ZDHHC14: variants seen among roughly 807,000 people sequenced by gnomAD.
ZDHHC14 encodes palmitoyltransferase ZDHHC14.
In ZDHHC14, 16 loss-of-function variants were observed where a neutral mutation model predicts 47.7. That is an observed-to-expected ratio of 0.34 (90% CI 0.23 to 0.51). The LOEUF (loss-of-function observed/expected upper bound fraction) is 0.51. Ranked by LOEUF, ZDHHC14 falls within the 20% of genes least tolerant of loss-of-function variation. The probability of loss-of-function intolerance (pLI) is 0.97; values close to 1 mark genes in which losing one functional copy is unlikely to be tolerated. For missense variants in ZDHHC14, 515 were observed against 662.5 expected, an observed-to-expected ratio of 0.78 and a Z score of 2.44; for synonymous variants, 293 against 278.9, an observed-to-expected ratio of 1.05 and a Z score of -0.50.
At chr6:157,548,709 G>A (rs1020831112) in intron 2 of ZDHHC14, among the ~76,000 whole-genome samples, 6 of 150,914 alleles carry the variant, frequency 4.0e-5, no homozygotes, top group Non-Finnish European at 8.8e-5. Flanking sequence ...GCCTCCCAAA[G>A]TGCTGGGATT....
rs1432622648 is a variant in ZDHHC14, at chr6:157,586,094, C to T, written c.407-6894C>T. ...CAGCAGGAAGATCTGGAAACAAATCCTCCTGACATCATCGGTACTGGGTCT... is the reference window on the plus strand; with the variant it reads ...CAGCAGGAAGATCTGGAAACAAATCTTCCTGACATCATCGGTACTGGGTCT... On this transcript the variant is annotated intron_variant, in intron 2 of 8. Transcript: ENST00000359775. This position sits in a 1 kb window ranked among gnomAD's most constrained non-coding sequence, Gnocchi z 4.6. Among the ~76,000 whole-genome samples, 4 of 152,168 alleles carry T rather than the reference C, an allele frequency of 2.6e-5. No homozygotes were observed. The highest frequency in any genetic ancestry group is 5.9e-5 in the Non-Finnish European group (4 of 68,018).
intron 2 of ZDHHC14, among the ~76,000 whole-genome samples, chr6:157,565,798 C>A (rs1309102087): frequency 1.3e-5 from 2 of 148,366 alleles, no homozygotes; most frequent in Non-Finnish European, 3.0e-5. Context: ...AGCAAGACTC[C>A]GTCTCCAAAA....
Position 157,628,370 on chromosome 6 carries a change from CCTGGGTAGGCAA to C in ZDHHC14, c.591_602del (p.Trp197_Asn200del). 1 of 1,611,396 alleles carries C rather than the reference CCTGGGTAGGCAA, an allele frequency of 6.2e-7. No homozygotes were observed. The highest frequency in any genetic ancestry group is 8.5e-7 in the Non-Finnish European group (1 of 1,179,478). Reference sequence around the variant, plus strand: ...TCAGAACGGTTTGATCACCACTGTCCCTGGGTAGGCAACTGTGTGGGGAAAAGAAACTACAGA... The same window carrying C: ...TCAGAACGGTTTGATCACCACTGTCCCTGTGTGGGGAAAAGAAACTACAGA... On this transcript the variant is annotated inframe_deletion, in exon 4 of 9. Coordinates refer to ENST00000359775, the MANE Select transcript of ZDHHC14 (RefSeq NM_024630.3).
intron 1 of ZDHHC14, among the ~76,000 whole-genome samples, chr6:157,511,998 G>C (rs1053438670): frequency 2.0e-4 from 31 of 152,168 alleles, no homozygotes; most frequent in African/African-American, 6.8e-4. Context: ...CAACATGCTC[G>C]AAATGCGAAG....
intron 3 of ZDHHC14, among the ~76,000 whole-genome samples, chr6:157,620,496 C>G (rs1442536500): frequency 6.6e-6 from 1 of 152,244 alleles, no homozygotes; most frequent in African/African-American, 2.4e-5. Flanking sequence ...TAATGTTTGC[C>G]AAGCAGCTTT....
intron 1 of ZDHHC14, among the ~76,000 whole-genome samples, chr6:157,541,505 A>G (rs1283548282): frequency 6.6e-6 from 1 of 152,122 alleles, no homozygotes; most frequent in Non-Finnish European, 1.5e-5. Context: ...CCAGCTCCCC[A>G]TCTCTGTTTT....
At chr6:157,466,814 C>T (rs555093495) in intron 1 of ZDHHC14, among the ~76,000 whole-genome samples, 8 of 151,608 alleles carry the variant, frequency 5.3e-5, no homozygotes, top group Non-Finnish European at 8.8e-5. Flanking sequence ...ACAGTCTGGG[C>T]GACAGAGTGA....
intron 2 of ZDHHC14, among the ~76,000 whole-genome samples, chr6:157,552,308 G>A (rs1782266300): frequency 6.6e-6 from 1 of 152,144 alleles, no homozygotes; most frequent in South Asian, 2.1e-4. Context: ...AAGGAAGCCA[G>A]AGATGAAACC....
intron 1 of ZDHHC14, among the ~76,000 whole-genome samples, chr6:157,512,153 T>G (rs923800791): frequency 1.3e-5 from 2 of 152,062 alleles, no homozygotes; most frequent in Admixed American, 6.6e-5. Context: ...CATGTTCGAG[T>G]GAAGGAAACT....
chr6:157,429,893 T>G (rs573669415), intron 1 of ZDHHC14, among the ~76,000 whole-genome samples: 1 of 152,250 alleles, frequency 6.6e-6, no homozygotes, highest in Admixed American at 6.5e-5. Flanking sequence ...GAGTTCAGGA[T>G]GATAGAGAAT....
At chr6:157,581,621 T>G (rs1466065068) in intron 2 of ZDHHC14, among the ~76,000 whole-genome samples, 1 of 152,158 alleles carries the variant, frequency 6.6e-6, no homozygotes, top group Non-Finnish European at 1.5e-5. Flanking sequence ...GCATATATAT[T>G]TAGGATAGTT....
intron 1 of ZDHHC14, among the ~76,000 whole-genome samples, chr6:157,420,950 T>G (rs1778088288): frequency 6.6e-6 from 1 of 152,210 alleles, no homozygotes; most frequent in Non-Finnish European, 1.5e-5. Flanking sequence ...AGGTCTCAGA[T>G]GACCCCACCT....
intron 1 of ZDHHC14, among the ~76,000 whole-genome samples, chr6:157,461,737 G>A (rs941310558): frequency 5.3e-5 from 8 of 152,202 alleles, no homozygotes; most frequent in Admixed American, 5.2e-4. Flanking sequence ...AGGGTGGGCA[G>A]GTGGCAATGT....
chr6:157,538,735 G>A (rs1275715082), intron 1 of ZDHHC14, among the ~76,000 whole-genome samples: 1 of 152,166 alleles, frequency 6.6e-6, no homozygotes, highest in African/African-American at 2.4e-5. Flanking sequence ...TAGGGGGTGA[G>A]CCCAGAAACT....
intron 1 of ZDHHC14, among the ~76,000 whole-genome samples, chr6:157,540,733 G>A (rs78407644): frequency 0.18 from 27,165 of 151,664 alleles, 3,917 homozygotes; most frequent in African/African-American, 0.4. Context: ...GTCGAATTGT[G>A]AATTTAAGTT....
chr6:157,599,125 C>G (rs1304520414), intron 3 of ZDHHC14, among the ~76,000 whole-genome samples: 1 of 152,080 alleles, frequency 6.6e-6, no homozygotes, highest in Non-Finnish European at 1.5e-5. Flanking sequence ...CAAAAGAAAA[C>G]CATGCCATTC....
In ZDHHC14 at chr6:157,675,931, C is replaced by T. The variant is rs970776508; in HGVS notation, c.*2809C>T. 1 of 152,238 alleles carries T rather than the reference C, an allele frequency of 6.6e-6. No homozygotes were observed. Among genetic ancestry groups the T allele is most frequent in the African/African-American group, 2.4e-5 (1 of 41,466 alleles). 9.4% of individuals were successfully genotyped at this position (152,238 alleles called of 1,614,324 possible). A position where few individuals can be genotyped will look rare whatever the true frequency, so the allele number is the denominator to read the frequency against. ...GACCATTATCAAACACACACAAACA[C>T]ACACTCATTCTGCTGTTTAAAAATT... On this transcript the variant is annotated 3_prime_UTR_variant, in exon 9 of 9. Coordinates refer to ENST00000359775, the MANE Select transcript of ZDHHC14 (RefSeq NM_024630.3).
chr6:157,620,375 A>G (rs1040449815), intron 3 of ZDHHC14, among the ~76,000 whole-genome samples: 8 of 152,238 alleles, frequency 5.3e-5, no homozygotes, highest in Non-Finnish European at 8.8e-5. Context: ...TACCATAGTC[A>G]GATTTCTTAT....
intron 1 of ZDHHC14, among the ~76,000 whole-genome samples, chr6:157,534,237 G>C (rs189464922): frequency 4.6e-5 from 7 of 152,300 alleles, no homozygotes; most frequent in Admixed American, 4.6e-4. Flanking sequence ...CACACCAGCA[G>C]CTCTAGGAAG....
Sources: allele counts gnomAD v4.1 joint callset (sites outside exome capture counted in the v4.1 genomes callset), GRCh38; gene constraint gnomAD v4.1.1; non-coding constraint Gnocchi (gnomAD v3.1); transcripts MANE v1.5; gene names NCBI Gene and HGNC (gene_info 2026-07-23, HGNC 2026-07-21).